CALU: variants seen among roughly 807,000 people sequenced by gnomAD.
CALU encodes calumenin.
CALU carries 13 observed loss-of-function variants against 37.5 expected under a neutral mutation model. That is an observed-to-expected ratio of 0.35 (90% CI 0.23 to 0.55). The LOEUF is 0.55. Ranked by LOEUF, CALU falls within the 20% of genes least tolerant of loss-of-function variation. The pLI, the probability that CALU is intolerant of heterozygous loss-of-function variation, is 0.89. For missense variants in CALU, 282 were observed against 391.7 expected, an observed-to-expected ratio of 0.72 and a Z score of 2.36; for synonymous variants, 114 against 133.8, an observed-to-expected ratio of 0.85 and a Z score of 1.02.
intron 3 of CALU, among the ~76,000 whole-genome samples, chr7:128,756,885 G>A (rs779743945): frequency 5.9e-5 from 9 of 152,072 alleles, no homozygotes; most frequent in Non-Finnish European, 1.3e-4. Context: ...CGACCAGCCA[G>A]GGCAACAAAG....
At chr7:128,766,895 C>T (rs907909293) in intron 5 of CALU, among the ~76,000 whole-genome samples, 1 of 152,052 alleles carries the variant, frequency 6.6e-6, no homozygotes, top group South Asian at 2.1e-4. Context: ...GGGAAAAAAG[C>T]CTTGATGGCC....
chr7:128,739,833 C>T (rs576273578), intron 1 of CALU, among the ~76,000 whole-genome samples: 2 of 152,244 alleles, frequency 1.3e-5, no homozygotes, highest in African/African-American at 4.8e-5. Context: ...TCCTTGCCGC[C>T]TCCACTCACC....
In CALU at chr7:128,748,661, C is replaced by T; in HGVS notation, c.78C>T (p.Asp26=). The change falls in exon 2 of 7, where the codon GAC becomes GAT. Residue 26 remains aspartate (D), a synonymous_variant. Transcript: ENST00000249364. ...FALSKPTEKK[D]RVHHEPQLSD... is the part of the protein sequence containing the mutation. ...TGAGCAAACCCACAGAAAAGAAGGACCGTGTACATCATGAGCCTCAGCTCA... is the reference window on the plus strand; with the variant it reads ...TGAGCAAACCCACAGAAAAGAAGGATCGTGTACATCATGAGCCTCAGCTCA... 2 of 1,614,174 alleles carry T rather than the reference C, an allele frequency of 1.2e-6. No homozygotes were observed. Among genetic ancestry groups the T allele is most frequent in the African/African-American group, 2.7e-5 (2 of 75,040 alleles).
intron 5 of CALU, among the ~76,000 whole-genome samples, chr7:128,762,855 C>G (rs1225026377): frequency 6.6e-6 from 1 of 151,916 alleles, no homozygotes; most frequent in Non-Finnish European, 1.5e-5. Context: ...TTAATAGAGG[C>G]GGGGTTTCAC....
In CALU at chr7:128,772,176, A is replaced by G. The variant is rs1311889439; in HGVS notation, c.*3009A>G. Among the ~76,000 whole-genome samples the G allele has an allele frequency of 6.1e-5, 2 of 32,546 alleles. No individual in the cohort carries two copies. Among genetic ancestry groups the G allele is most frequent in the African/African-American group, 2.0e-4 (2 of 10,120 alleles). 21.4% of individuals were successfully genotyped at this position (32,546 alleles called of 152,430 possible). A position where few individuals can be genotyped will look rare whatever the true frequency, so the allele number is the denominator to read the frequency against. ...CATCTCAGAATGGATCCCCAGCAGG[A>G]AAAAAAAAAAAAGTTACTAAAAAGG... On this transcript the variant is annotated 3_prime_UTR_variant, in exon 7 of 7. Coordinates refer to ENST00000249364, the MANE Select transcript of CALU (RefSeq NM_001219.5).
At chr7:128,766,318 T>G (rs946001823) in intron 5 of CALU, among the ~76,000 whole-genome samples, 1 of 146,372 alleles carries the variant, frequency 6.8e-6, no homozygotes, top group Non-Finnish European at 1.5e-5. Flanking sequence ...TTTTTCAAGG[T>G]TTTTTTTTTT....
rs1201718523 is a variant in CALU, at chr7:128,772,530, T to C, written c.*3363T>C. ...ATTCTAGCTGTTGCAAACAGGCCAA[T>C]ATTGGGTCCTCAGTTGGGGCCAACT... On this transcript the variant is annotated 3_prime_UTR_variant, in exon 7 of 7. Coordinates refer to ENST00000249364, the MANE Select transcript of CALU (RefSeq NM_001219.5). 1 of 1,614,134 alleles carries C rather than the reference T, an allele frequency of 6.2e-7. No homozygotes were observed. Among genetic ancestry groups the C allele is most frequent in the East Asian group, 2.2e-5 (1 of 44,888 alleles).
In CALU at chr7:128,773,031, T is replaced by C. The variant is rs552779996; in HGVS notation, c.*3864T>C. 6.6e-6 allele frequency among the ~76,000 whole-genome samples: 1 copy of C among 152,186 alleles called. No homozygotes were observed. The highest frequency in any genetic ancestry group is 2.4e-5 in the African/African-American group (1 of 41,450). On this transcript the variant is annotated 3_prime_UTR_variant, in exon 7 of 7. Transcript: ENST00000249364. ...ATTAGTTTTGAGTCTACCTCTGGGA[T>C]TGAGGAAACAATACCATCTGAAAGT...
At chr7:128,749,084 CA>C (rs1260351227) in intron 2 of CALU, among the ~76,000 whole-genome samples, 1 of 152,148 alleles carries the variant, frequency 6.6e-6, no homozygotes, top group Non-Finnish European at 1.5e-5. Context: ...ATCTTGCTAC[CA>C]GAAGAACATA....
At chr7:128,745,857 C>T (rs184551198) in intron 1 of CALU, among the ~76,000 whole-genome samples, 1 of 152,260 alleles carries the variant, frequency 6.6e-6, no homozygotes, top group East Asian at 1.9e-4. Flanking sequence ...TTAGACAGTA[C>T]AGCAGGATAC....
Position 128,746,178 on chromosome 7 carries a change from T to C in CALU, c.-11-2395T>C, listed in dbSNP as rs192679679. On this transcript the variant is annotated intron_variant, in intron 1 of 6. Transcript: ENST00000249364. ...TCTTTTTTTTTTTTTACATTCTTTT[T>C]TTTGAGGAAGGGTCTCGCTCTGTCA... 1.8e-3 allele frequency among the ~76,000 whole-genome samples: 269 copies of C among 152,260 alleles called. 1 individual carries two copies. The highest frequency in any genetic ancestry group is 6.3e-3 in the African/African-American group (261 of 41,524).
At chr7:128,766,770 T>A (rs993876296) in intron 5 of CALU, among the ~76,000 whole-genome samples, 2 of 152,306 alleles carry the variant, frequency 1.3e-5, no homozygotes, top group African/African-American at 4.8e-5. Flanking sequence ...CACTAGTATT[T>A]CTAATTGTTT....
intron 6 of CALU, among the ~76,000 whole-genome samples, chr7:128,768,264 G>A (rs1467260881): frequency 1.3e-5 from 2 of 152,068 alleles, no homozygotes; most frequent in African/African-American, 4.8e-5. Flanking sequence ...GTATATTTTT[G>A]TCTAAGCTAA....
chr7:128,764,729 T>G (rs1337555171), intron 5 of CALU, among the ~76,000 whole-genome samples: 1 of 144,234 alleles, frequency 6.9e-6, no homozygotes, highest in Non-Finnish European at 1.5e-5. Context: ...TCTTTGGTAC[T>G]TTTTTTTTTT....
intron 6 of CALU, 32 bp from the exon 7 acceptor site, chr7:128,769,031 C>G (rs778789553): frequency 3.3e-6 from 4 of 1,214,912 alleles, no homozygotes; most frequent in Non-Finnish European, 4.9e-6. Context: ...GAAATATGTT[C>G]TTCTTCAATT....
intron 1 of CALU, among the ~76,000 whole-genome samples, chr7:128,740,284 A>G (rs1351933801): frequency 6.6e-6 from 1 of 152,232 alleles, no homozygotes; most frequent in Non-Finnish European, 1.5e-5. Context: ...TCCTAAGTGT[A>G]TAAAATTCTA....
chr7:128,764,047 A>C (rs1382654060), intron 5 of CALU, among the ~76,000 whole-genome samples: 1 of 152,212 alleles, frequency 6.6e-6, no homozygotes, highest in Non-Finnish European at 1.5e-5. Flanking sequence ...ATAACTCCTG[A>C]AAGAATTTGA....
intron 2 of CALU, among the ~76,000 whole-genome samples, chr7:128,751,947 G>T (rs775372350): frequency 4.6e-5 from 7 of 152,112 alleles, no homozygotes; most frequent in Non-Finnish European, 1.0e-4. Flanking sequence ...ATTTAGTGGC[G>T]TCCATAGGGT....
chr7:128,765,416 ATGT>A (rs1562881664), intron 5 of CALU, among the ~76,000 whole-genome samples: 1 of 152,088 alleles, frequency 6.6e-6, no homozygotes, highest in Non-Finnish European at 1.5e-5. Flanking sequence ...GGATTTTGCC[ATGT>A]TGTCCAGGCT....
Sources: gnomAD v4.1 joint callset for allele counts (sites outside exome capture counted in the v4.1 genomes callset) on GRCh38, gnomAD v4.1.1 for gene constraint, MANE v1.5 for transcripts, NCBI Gene and HGNC (gene_info 2026-07-23, HGNC 2026-07-21) for gene names.